PRDM2: variants seen among roughly 807,000 people sequenced by gnomAD.
PRDM2 encodes PR/SET domain 2, also known as PR domain zinc finger protein 2.
Under a neutral mutation model 130.0 loss-of-function variants are expected in PRDM2, and 30 were observed. That is an observed-to-expected ratio of 0.23 (90% CI 0.17 to 0.31). PRDM2 has a LOEUF of 0.31. Ranked by LOEUF, PRDM2 falls within the 10% of genes least tolerant of loss-of-function variation. The pLI, the probability that PRDM2 is intolerant of heterozygous loss-of-function variation, is 1.00. For missense variants in PRDM2, 2,011 were observed against 2,108.4 expected, an observed-to-expected ratio of 0.95 and a Z score of 0.90; for synonymous variants, 871 against 782.4, an observed-to-expected ratio of 1.11 and a Z score of -1.89.
At chr1:13,717,551 G>C in intron 2 of PRDM2, 3 of 517,782 alleles carry the variant, frequency 5.8e-6, no homozygotes, top group Non-Finnish European at 7.4e-6. Context: ...TTCTTGTACA[G>C]TATTAGACTT....
intron 1 of PRDM2, among the ~76,000 whole-genome samples, chr1:13,708,278 A>G (rs1569665112): frequency 6.6e-6 from 1 of 152,010 alleles, no homozygotes; most frequent in South Asian, 2.1e-4. Flanking sequence ...GTCCTTTCCT[A>G]GCATATCAGC....
At chr1:13,713,631 A>G (rs1642440126) in intron 1 of PRDM2, among the ~76,000 whole-genome samples, 1 of 152,214 alleles carries the variant, frequency 6.6e-6, no homozygotes, top group African/African-American at 2.4e-5. Flanking sequence ...ATTTTACCGC[A>G]GATGTTTTTT....
At chr1:13,800,442 T>C (rs1338655801) in intron 8 of PRDM2, among the ~76,000 whole-genome samples, 1 of 152,096 alleles carries the variant, frequency 6.6e-6, no homozygotes, top group Non-Finnish European at 1.5e-5. Context: ...GTGGAAGTCT[T>C]GTTCCACCAT....
chr1:13,822,682 G>A (rs1158828178), intron 9 of PRDM2, among the ~76,000 whole-genome samples: 3 of 152,066 alleles, frequency 2.0e-5, no homozygotes, highest in South Asian at 2.1e-4. Context: ...GTGAGCCACC[G>A]CGCCTGGCCG....
intron 1 of PRDM2, among the ~76,000 whole-genome samples, chr1:13,706,285 G>T (rs1010520332): frequency 6.6e-6 from 1 of 152,088 alleles, no homozygotes; most frequent in African/African-American, 2.4e-5. Context: ...AGTCTTTCTG[G>T]CTGCCCTCTC....
At chr1:13,731,957 G>T (rs1643125211) in intron 3 of PRDM2, among the ~76,000 whole-genome samples, 1 of 152,108 alleles carries the variant, frequency 6.6e-6, no homozygotes, top group African/African-American at 2.4e-5. Flanking sequence ...GACTTACATA[G>T]CGGACTTACA....
chr1:13,800,116 A>C (rs1570084728), intron 8 of PRDM2, among the ~76,000 whole-genome samples: 1 of 152,258 alleles, frequency 6.6e-6, no homozygotes, highest in Admixed American at 6.5e-5. Flanking sequence ...GCCTGCTGTT[A>C]CATGCCTGGC....
rs1642506396 is a variant in PRDM2 at position 13,715,554 on chromosome 1, A to C, written c.-52A>C. On this transcript the variant is annotated 5_prime_UTR_variant, in exon 2 of 10. Transcript: ENST00000311066. ...TTTTCTTTTTAGGGTTCATGTAATC[A>C]AAGAAGTTTCTTTGTTGTGTGTATC... 1.3e-6 allele frequency: 2 copies of C among 1,511,926 alleles called. No homozygotes were observed. The highest frequency in any genetic ancestry group is 2.9e-5 in the African/African-American group (2 of 70,084). The allele number at this position is 1,511,926 out of a possible 1,614,324, so 93.7% of individuals were successfully genotyped here. A position where few individuals can be genotyped will look rare whatever the true frequency, so the allele number is the denominator to read the frequency against.
intron 4 of PRDM2, among the ~76,000 whole-genome samples, chr1:13,739,998 C>A (rs1000693011): frequency 6.6e-5 from 10 of 152,246 alleles, no homozygotes; most frequent in African/African-American, 2.2e-4. Context: ...TGAATTACTT[C>A]TTGGCCTATT....
chr1:13,783,489 C>T (rs2100680857), intron 8 of PRDM2, among the ~76,000 whole-genome samples: 1 of 152,314 alleles, frequency 6.6e-6, no homozygotes, highest in African/African-American at 2.4e-5. Flanking sequence ...AGGACCCTTG[C>T]AGCTCTTTCA....
At chr1:13,705,452 G>A (rs1013250291) in intron 1 of PRDM2, 2 of 152,088 alleles carry the variant, frequency 1.3e-5, no homozygotes, top group Admixed American at 6.5e-5. Context: ...GAACTTGGTG[G>A]AAGGGGCCAC....
intron 8 of PRDM2, among the ~76,000 whole-genome samples, chr1:13,797,267 G>C (rs1471962397): frequency 1.3e-5 from 2 of 152,168 alleles, no homozygotes; most frequent in African/African-American, 4.8e-5. Context: ...TATGTTTACA[G>C]GTGTGAGTTT....
In PRDM2 at chr1:13,806,704, C is replaced by T. The variant is rs1266859815; in HGVS notation, c.5037-9723C>T. 6.6e-6 allele frequency among the ~76,000 whole-genome samples: 1 copy of T among 152,160 alleles called. No individual in the cohort carries two copies. Among genetic ancestry groups the T allele is most frequent in the Non-Finnish European group, 1.5e-5 (1 of 68,032 alleles). On this transcript the variant is annotated intron_variant, in intron 8 of 9. Transcript: ENST00000311066. The surrounding 1 kb of genome is among the most constrained non-coding windows in gnomAD (Gnocchi z 4.1). ...CTGGATGGTGGCAGTCACCTCCTTGCTGGTGTCCCCAGTTCCTTCCCTGTC... is the reference window on the plus strand; with the variant it reads ...CTGGATGGTGGCAGTCACCTCCTTGTTGGTGTCCCCAGTTCCTTCCCTGTC...
At chr1:13,751,430 T>G (rs1047240906) in intron 6 of PRDM2, among the ~76,000 whole-genome samples, 1 of 152,150 alleles carries the variant, frequency 6.6e-6, no homozygotes, top group Non-Finnish European at 1.5e-5. Flanking sequence ...GACTTAAACT[T>G]TGGAGAGTTT....
chr1:13,751,094 T>G, intron 6 of PRDM2, among the ~76,000 whole-genome samples: 1 of 152,356 alleles, frequency 6.6e-6, no homozygotes, highest in East Asian at 1.9e-4. Flanking sequence ...TTAGAACATA[T>G]GTCATTACTC....
At chr1:13,724,763 G>A (rs1273526771) in intron 2 of PRDM2, among the ~76,000 whole-genome samples, 5 of 152,138 alleles carry the variant, frequency 3.3e-5, no homozygotes, top group Non-Finnish European at 1.5e-5. Flanking sequence ...AAAGTTCATG[G>A]CTTATTTTTA....
intron 7 of PRDM2, among the ~76,000 whole-genome samples, chr1:13,778,162 C>T (rs182171934): frequency 8.5e-5 from 13 of 152,270 alleles, no homozygotes; most frequent in East Asian, 5.8e-4. Context: ...TTGTCTGTTG[C>T]GCTCGTGTGT....
At chr1:13,799,024 T>A (rs1426349156) in intron 8 of PRDM2, among the ~76,000 whole-genome samples, 2 of 152,198 alleles carry the variant, frequency 1.3e-5, no homozygotes, top group Non-Finnish European at 2.9e-5. Context: ...TGCTGGGTAA[T>A]GTGACTTAGT....
intron 8 of PRDM2, among the ~76,000 whole-genome samples, chr1:13,800,799 G>C (rs147703734): frequency 1.8e-4 from 27 of 151,040 alleles, no homozygotes; most frequent in Non-Finnish European, 3.1e-4. Context: ...AGGAGGGTTG[G>C]GGGGGGTCTC....
Sources: gnomAD v4.1 joint callset for allele counts (sites outside exome capture counted in the v4.1 genomes callset) on GRCh38, gnomAD v4.1.1 for gene constraint, Gnocchi (gnomAD v3.1) non-coding constraint, MANE v1.5 for transcripts, NCBI Gene and HGNC (gene_info 2026-07-23, HGNC 2026-07-21) for gene names.